Variants in ZC3HC1 observed in about 807,000 individuals in gnomAD.
ZC3HC1 encodes the protein zinc finger C3HC-type protein 1.
In ZC3HC1, 38 loss-of-function variants were observed where a neutral mutation model predicts 61.9. The observed-to-expected ratio is 0.61, with a 90% CI of 0.47 to 0.81. The LOEUF (loss-of-function observed/expected upper bound fraction) is 0.81. Ranked by LOEUF, ZC3HC1 falls within the 30% of genes least tolerant of loss-of-function variation. The pLI is 0.00. For synonymous variants in ZC3HC1, 213 were observed against 229.9 expected (o/e 0.93, Z 0.67); for missense variants, 554 against 622.7 (o/e 0.89, Z 1.17).
intron 4 of ZC3HC1, among the ~76,000 whole-genome samples, chr7:130,029,782 T>G (rs1309583912): frequency 6.6e-6 from 1 of 152,134 alleles, no homozygotes; most frequent in Non-Finnish European, 1.5e-5. Flanking sequence ...GATGGATGCT[T>G]AAATAGGTGA....
chr7:130,046,238 C>T (rs931670531), intron 2 of ZC3HC1, among the ~76,000 whole-genome samples: 3 of 152,130 alleles, frequency 2.0e-5, no homozygotes, highest in Non-Finnish European at 4.4e-5. Flanking sequence ...GTGCAGTAAA[C>T]CACCATGGCA....
chr7:130,018,816 T>G, intron 9 of ZC3HC1, 84 bp from the exon 10 acceptor site: 1 of 1,195,412 alleles, frequency 8.4e-7, no homozygotes, highest in South Asian at 1.3e-5. Context: ...ATGATCTGGA[T>G]ATGTCTAGGA....
intron 4 of ZC3HC1, among the ~76,000 whole-genome samples, chr7:130,031,334 A>AC (rs1301653031): frequency 1.3e-5 from 2 of 151,138 alleles, no homozygotes; most frequent in East Asian, 2.0e-4. Context: ...CAAAAAAAAA[A>AC]AAAAAAAACA....
At chr7:130,022,584 G>A (rs770499102) in intron 8 of ZC3HC1, 59 bp from the exon 9 acceptor site, 7 of 1,566,620 alleles carry the variant, frequency 4.5e-6, no homozygotes, top group Non-Finnish European at 5.2e-6. Context: ...GTTCAGGGAG[G>A]CACTGCTGTT....
Position 130,035,778 on chromosome 7 carries a change from C to T in ZC3HC1, c.493+3686G>A, listed in dbSNP as rs369599239. ...ATCACAGGTGTGAGCCATCACGCCT[C>T]GCCACTTTGCCTTTTTTCTTGGACT... is the stretch of plus-strand genomic sequence containing the variant. On this transcript the variant is annotated intron_variant, in intron 4 of 9. Coordinates refer to ENST00000358303, the MANE Select transcript of ZC3HC1 (RefSeq NM_016478.5). 8.5e-5 allele frequency among the ~76,000 whole-genome samples: 13 copies of T among 152,248 alleles called. No individual in the cohort carries two copies. The East Asian group carries it at 9.7e-4, about 11-fold the overall frequency.
intron 6 of ZC3HC1, among the ~76,000 whole-genome samples, chr7:130,025,098 G>A (rs1234516203): frequency 6.8e-6 from 1 of 147,446 alleles, no homozygotes; most frequent in Non-Finnish European, 1.5e-5. Context: ...TAGAGATGGG[G>A]TTTCACCATG....
intron 9 of ZC3HC1, among the ~76,000 whole-genome samples, chr7:130,020,244 C>A (rs1430707852): frequency 6.6e-6 from 1 of 150,782 alleles, no homozygotes; most frequent in Non-Finnish European, 1.5e-5. Flanking sequence ...TGAAAGAAAC[C>A]TGAGTTGAAA....
intron 3 of ZC3HC1, 72 bp from the exon 4 acceptor site, chr7:130,039,619 G>A (rs550156563): frequency 1.9e-6 from 2 of 1,061,198 alleles, no homozygotes; most frequent in Non-Finnish European, 1.4e-6. Flanking sequence ...TGGCCTCTAA[G>A]AGCAGAGATT....
At chr7:130,020,266 A>G (rs866996736) in intron 9 of ZC3HC1, among the ~76,000 whole-genome samples, 1 of 148,428 alleles carries the variant, frequency 6.7e-6, no homozygotes, top group African/African-American at 2.5e-5. Context: ...AATAGTATAC[A>G]CTTTTTTCTT....
At position 130,024,602 on chromosome 7, in the gene ZC3HC1, C is replaced by T. The variant is rs1793806869; in HGVS notation, c.777-96G>A. 1.7e-5 allele frequency: 24 copies of T among 1,372,502 alleles called. No individual in the cohort carries two copies. In the South Asian group the frequency reaches 2.8e-4, roughly 16 times the overall value. 85.0% of individuals were successfully genotyped at this position (1,372,502 alleles called of 1,614,324 possible). A position where few individuals can be genotyped will look rare whatever the true frequency, so the allele number is the denominator to read the frequency against. The stretch of plus-strand genomic sequence containing the variant: ...GAGTATGCCTTATCTCATCCAATTT[C>T]TGGAACAGTCACCATGTCCTATCAG... On this transcript the variant is annotated intron_variant, in intron 6 of 9. Coordinates refer to ENST00000358303, the MANE Select transcript of ZC3HC1 (RefSeq NM_016478.5).
At chr7:130,027,025 C>A (rs1260474672) in intron 5 of ZC3HC1, 1 of 150,772 alleles carries the variant, frequency 6.6e-6, no homozygotes, top group Non-Finnish European at 1.5e-5. Flanking sequence ...TGGGGTCTCA[C>A]TATGTTGGCC....
At chr7:130,020,582 T>C (rs879285182) in intron 9 of ZC3HC1, among the ~76,000 whole-genome samples, 3 of 151,976 alleles carry the variant, frequency 2.0e-5, no homozygotes, top group South Asian at 2.1e-4. Flanking sequence ...CTTTTTTTTT[T>C]CGAACATCAG....
chr7:130,039,615 C>G, intron 3 of ZC3HC1, 68 bp from the exon 4 acceptor site: 1 of 1,112,484 alleles, frequency 9.0e-7, no homozygotes, highest in Non-Finnish European at 1.3e-6. Flanking sequence ...TGAATGGCCT[C>G]TAAGAGCAGA....
At chr7:130,028,805 C>T (rs1281510034) in intron 5 of ZC3HC1, 97 bp downstream of exon 5, 1 of 1,488,460 alleles carries the variant, frequency 6.7e-7, no homozygotes, top group Non-Finnish European at 9.0e-7. Flanking sequence ...CAGTTCTCTT[C>T]ACAGCAATTG....
At chr7:130,018,760 GA>G in intron 9 of ZC3HC1, 28 bp from the exon 10 acceptor site, 2 of 1,577,992 alleles carry the variant, frequency 1.3e-6, no homozygotes, top group Non-Finnish European at 1.7e-6. Flanking sequence ...TATTATTAGT[GA>G]TTACGTTCTT....
chr7:130,023,881 C>A lies in ZC3HC1; in HGVS notation c.1021-158G>T, dbSNP rs182635584. Among the ~76,000 whole-genome samples the A allele has an allele frequency of 6.0e-4, 91 of 151,894 alleles. No homozygotes were observed. Among genetic ancestry groups the A allele is most frequent in the African/African-American group, 2.1e-3 (86 of 41,378 alleles). On this transcript the variant is annotated intron_variant, in intron 7 of 9. Transcript: ENST00000358303. This position sits in a 1 kb window ranked among gnomAD's most constrained non-coding sequence, Gnocchi z 4.2. Reference sequence around the variant, plus strand: ...GTGAGGCGATCTTGGCTCATGGCAACCTCTGCCTCCCGAGTTCAAGTGATT... The same window carrying A: ...GTGAGGCGATCTTGGCTCATGGCAAACTCTGCCTCCCGAGTTCAAGTGATT...
chr7:130,041,512 T>C (rs143570608), intron 2 of ZC3HC1, among the ~76,000 whole-genome samples: 2,264 of 145,304 alleles, frequency 0.016, 28 homozygotes, highest in Non-Finnish European at 0.019. Context: ...TAAATTACAA[T>C]CTTAACTCAT....
chr7:130,022,337 T>C lies in ZC3HC1; in HGVS notation c.1422A>G (p.Pro474=). Residue 474 remains proline, a synonymous_variant, in exon 9 of 10, where the codon CCA becomes CCG. Transcript: ENST00000358303. ...ILLAHKQSSQ[P]AETDSMSLSE... is the part of the protein sequence containing the mutation. ...ATCTCACCATGGAGTCCGTTTCAGC[T>C]GGCTGGCTAGACTGTTTGTGCGCCA... 2 of 1,614,214 alleles carry C rather than the reference T, an allele frequency of 1.2e-6. No individual in the cohort carries two copies. Among genetic ancestry groups the C allele is most frequent in the Non-Finnish European group, 1.7e-6 (2 of 1,180,042 alleles).
chr7:130,018,816 T>C (rs1399860628), intron 9 of ZC3HC1, 84 bp from the exon 10 acceptor site: 23 of 1,195,294 alleles, frequency 1.9e-5, no homozygotes, highest in Admixed American at 7.2e-5. Context: ...ATGATCTGGA[T>C]ATGTCTAGGA....
Sources: gnomAD v4.1 joint callset for allele counts (sites outside exome capture counted in the v4.1 genomes callset) on GRCh38, gnomAD v4.1.1 for gene constraint, Gnocchi (gnomAD v3.1) non-coding constraint, MANE v1.5 for transcripts, NCBI Gene and HGNC (gene_info 2026-07-23, HGNC 2026-07-21) for gene names.